The following ZNF407 variants were observed in gnomAD, a reference collection of about 807,000 sequenced individuals.
ZNF407 encodes the protein zinc finger protein 407.
ZNF407 carries 17 observed loss-of-function variants against 131.2 expected under a neutral mutation model. The ratio of observed to expected loss-of-function variants is 0.13; its 90% confidence interval spans 0.09 to 0.19. The LOEUF (loss-of-function observed/expected upper bound fraction) is 0.19, where lower values mean the gene tolerates loss of function less well. ZNF407 is among the 10% of genes least tolerant of loss of function. The pLI is 1.00. For missense variants in ZNF407, 2,681 were observed against 2,830.6 expected (o/e 0.95, Z 1.20); for synonymous variants, 1,156 against 1,062.0 (o/e 1.09, Z -1.72).
chr18:75,029,858 A>AT (rs907039435), intron 8 of ZNF407, among the ~76,000 whole-genome samples: 2 of 152,250 alleles, frequency 1.3e-5, no homozygotes, highest in African/African-American at 4.8e-5. Flanking sequence ...CTCAAAGTCC[A>AT]TAAGAAAACA....
chr18:74,996,979 G>A (rs993079208), intron 8 of ZNF407, among the ~76,000 whole-genome samples: 3 of 152,066 alleles, frequency 2.0e-5, no homozygotes, highest in African/African-American at 7.2e-5. Context: ...TTTTAGCAAG[G>A]CAAAGTAATC....
chr18:74,670,428 G>C (rs1462851157), intron 3 of ZNF407, among the ~76,000 whole-genome samples: 1 of 152,170 alleles, frequency 6.6e-6, no homozygotes, highest in African/African-American at 2.4e-5. Context: ...ATAGGCTTGG[G>C]ATGAATCTGC....
chr18:74,770,011 A>G (rs938294249), intron 3 of ZNF407, among the ~76,000 whole-genome samples: 5 of 152,104 alleles, frequency 3.3e-5, no homozygotes, highest in Admixed American at 6.6e-5. Context: ...AGGAGCTTGC[A>G]GTCTTTGGGG....
At chr18:74,742,426 C>T (rs576831978) in intron 3 of ZNF407, among the ~76,000 whole-genome samples, 8 of 152,232 alleles carry the variant, frequency 5.3e-5, no homozygotes, top group African/African-American at 1.4e-4. Flanking sequence ...AGACACATGA[C>T]GTTGCTGACT....
chr18:74,830,889 T>C (rs1355713466), intron 4 of ZNF407, among the ~76,000 whole-genome samples: 1 of 152,128 alleles, frequency 6.6e-6, no homozygotes, highest in East Asian at 1.9e-4. Flanking sequence ...TAATTTTTTG[T>C]CATTTAACCA....
At chr18:74,812,042 AT>A (rs1290556273) in intron 4 of ZNF407, among the ~76,000 whole-genome samples, 8 of 149,224 alleles carry the variant, frequency 5.4e-5, no homozygotes, top group South Asian at 2.1e-4. Context: ...ATAAAAAAAA[AT>A]AAATAAATTT....
chr18:74,693,156 A>G (rs1371275375), intron 3 of ZNF407, among the ~76,000 whole-genome samples: 2 of 152,198 alleles, frequency 1.3e-5, no homozygotes, highest in Non-Finnish European at 1.5e-5. Context: ...CCAAGCTGAC[A>G]TGTACATGTA....
intron 1 of ZNF407, among the ~76,000 whole-genome samples, chr18:74,608,058 G>C (rs1366964080): frequency 6.6e-6 from 1 of 152,094 alleles, no homozygotes; most frequent in Non-Finnish European, 1.5e-5. Flanking sequence ...CATCTGAAAT[G>C]ACTTTTTAAA....
At chr18:74,896,021 A>G (rs1276953117) in intron 7 of ZNF407, among the ~76,000 whole-genome samples, 1 of 152,194 alleles carries the variant, frequency 6.6e-6, no homozygotes, top group Non-Finnish European at 1.5e-5. Context: ...GTAGCAGTAT[A>G]TTGTATTTGC....
chr18:74,749,395 C>T (rs948154651), intron 3 of ZNF407, among the ~76,000 whole-genome samples: 2 of 152,114 alleles, frequency 1.3e-5, no homozygotes, highest in African/African-American at 4.8e-5. Flanking sequence ...GTATCAATTC[C>T]AGTAAGGTAT....
At chr18:74,688,470 A>G (rs1203613187) in intron 3 of ZNF407, among the ~76,000 whole-genome samples, 1 of 152,180 alleles carries the variant, frequency 6.6e-6, no homozygotes, top group Non-Finnish European at 1.5e-5. Context: ...AAATGTGATA[A>G]TTCTGTGACT....
intron 4 of ZNF407, among the ~76,000 whole-genome samples, chr18:74,784,198 G>T (rs1433773070): frequency 6.6e-6 from 1 of 152,140 alleles, no homozygotes; most frequent in Non-Finnish European, 1.5e-5. Context: ...TTGCAAGCTT[G>T]CTGTATTTTA....
chr18:75,057,604 C>T (rs531942950), intron 8 of ZNF407, among the ~76,000 whole-genome samples: 1 of 152,234 alleles, frequency 6.6e-6, no homozygotes, highest in East Asian at 1.9e-4. Context: ...AGCCTGTGTC[C>T]TACAGTGTCA....
intron 5 of ZNF407, among the ~76,000 whole-genome samples, chr18:74,878,200 A>G (rs541933724): frequency 2.0e-5 from 3 of 152,236 alleles, no homozygotes; most frequent in Admixed American, 1.3e-4. Context: ...GTCTCTCCCT[A>G]GAGCATTGTG....
At chr18:74,927,339 G>T (rs1047204599) in intron 8 of ZNF407, among the ~76,000 whole-genome samples, 1 of 152,184 alleles carries the variant, frequency 6.6e-6, no homozygotes, top group Non-Finnish European at 1.5e-5. Context: ...GGTTAATGAA[G>T]TTTTTTCAGT....
At chr18:74,989,662 C>T (rs1972695061) in intron 8 of ZNF407, among the ~76,000 whole-genome samples, 1 of 151,846 alleles carries the variant, frequency 6.6e-6, no homozygotes, top group Non-Finnish European at 1.5e-5. Flanking sequence ...GCCAACATGG[C>T]GAGACCCCAT....
At chr18:74,947,644 G>T (rs536771768) in intron 8 of ZNF407, among the ~76,000 whole-genome samples, 1 of 152,144 alleles carries the variant, frequency 6.6e-6, no homozygotes, top group Non-Finnish European at 1.5e-5. Flanking sequence ...TCACACTAGC[G>T]TCCCAGGTAC....
intron 8 of ZNF407, among the ~76,000 whole-genome samples, chr18:74,929,797 C>G (rs1415912524): frequency 6.6e-6 from 1 of 152,128 alleles, no homozygotes; most frequent in Non-Finnish European, 1.5e-5. Flanking sequence ...AAATGTAGTT[C>G]AGAATATGAA....
intron 8 of ZNF407, chr18:75,062,238 C>T (rs376247292): frequency 2.0e-5 from 3 of 152,244 alleles, no homozygotes; most frequent in Non-Finnish European, 4.4e-5. Context: ...AATGTTGTTT[C>T]GTTTTTACAT....
Sources: gnomAD v4.1 joint callset for allele counts (sites outside exome capture counted in the v4.1 genomes callset) on GRCh38, gnomAD v4.1.1 for gene constraint, MANE v1.5 for transcripts, NCBI Gene and HGNC (gene_info 2026-07-23, HGNC 2026-07-21) for gene names.